The following RCC1L variants were observed in gnomAD, a reference collection of about 807,000 sequenced individuals.
The protein encoded by RCC1L is RCC1-like G exchanging factor-like protein.
A neutral mutation model predicts 58.6 loss-of-function variants in RCC1L; 46 were observed. That is an observed-to-expected ratio of 0.79 (90% confidence interval 0.62 to 1.00). The LOEUF is 1.00. RCC1L is among the 50% of genes least tolerant of loss of function. The probability of loss-of-function intolerance (pLI) is 0.00; values close to 1 mark genes in which losing one functional copy is unlikely to be tolerated. For synonymous variants in RCC1L, 281 were observed against 262.9 expected, an observed-to-expected ratio of 1.07 and a Z score of -0.67; for missense variants, 636 against 623.6, an observed-to-expected ratio of 1.02 and a Z score of -0.21.
intron 10 of RCC1L, among the ~76,000 whole-genome samples, chr7:75,035,927 C>T (rs1348809195): frequency 6.6e-6 from 1 of 151,964 alleles, no homozygotes; most frequent in East Asian, 1.9e-4. Context: ...ATTGCTTGAG[C>T]TCAGGAGTTC....
intron 1 of RCC1L, among the ~76,000 whole-genome samples, chr7:75,072,464 G>A (rs1233392208): frequency 1.3e-5 from 2 of 151,884 alleles, no homozygotes; most frequent in African/African-American, 2.4e-5. Flanking sequence ...TAACTTGACT[G>A]CATGCTTTTC....
chr7:75,042,449 T>C lies in RCC1L; in HGVS notation c.*583A>G. On this transcript the variant is annotated 3_prime_UTR_variant, in exon 11 of 11. Coordinates refer to ENST00000610322, the MANE Select transcript of RCC1L (RefSeq NM_030798.5). ...GTGGTGGGAGGCTGGGGCTGGTGCC[T>C]GCGGACAGCTCCAGATGGAATCCCA... 4 of 987,102 alleles carry C rather than the reference T, an allele frequency of 4.1e-6. No homozygotes were observed. Among genetic ancestry groups the C allele is most frequent in the South Asian group, 4.7e-5 (1 of 21,408 alleles). The allele number at this position is 987,102 out of a possible 1,614,324, so 61.1% of individuals were successfully genotyped here.
rs1472445348 is a variant in RCC1L, at chr7:75,056,003, G to A, written c.1129C>T (p.Pro377Ser). The part of the protein sequence containing the change: ...KGPNLVESAV[P>S]EMIPPTLFGL... Reference sequence around the variant, plus strand: ...AAGAGAGTGGGTGGAATCATTTCAGGGACGGCACTTTCCACTAGGTTTGGA... The same window carrying A: ...AAGAGAGTGGGTGGAATCATTTCAGAGACGGCACTTTCCACTAGGTTTGGA... Residue 377 changes from proline to serine, a missense_variant, in exon 9 of 11, where the codon CCT becomes TCT. Coordinates refer to ENST00000610322, the MANE Select transcript of RCC1L (RefSeq NM_030798.5). The A allele has an allele frequency of 6.2e-7, 1 of 1,613,882 alleles. No homozygotes were observed. The highest frequency in any genetic ancestry group is 1.3e-5 in the African/African-American group (1 of 75,004).
downstream of RCC1L, among the ~76,000 whole-genome samples, chr7:75,037,441 G>T (rs987575522): frequency 6.6e-6 from 1 of 151,648 alleles, no homozygotes; most frequent in Non-Finnish European, 1.5e-5. Context: ...CGTCCGCCTC[G>T]GCCTCCCAAA....
chr7:75,059,187 C>CAAAAAAAAAAAAAAAAAAAAA (rs71278503), intron 6 of RCC1L, among the ~76,000 whole-genome samples: 1 of 77,980 alleles, frequency 1.3e-5, no homozygotes, highest in Non-Finnish European at 2.6e-5. Flanking sequence ...ATGAGACTCT[C>CAAAAAAAAAAAAAAAAAAAAA]AAAAAAAAAA....
chr7:75,043,001 G>A lies in RCC1L; in HGVS notation c.*31C>T, dbSNP rs1488587565. On this transcript the variant is annotated 3_prime_UTR_variant, in exon 11 of 11. Coordinates refer to ENST00000610322, the MANE Select transcript of RCC1L (RefSeq NM_030798.5). ...TGCCAAGGAGTGCCAGTGGTTCCCGGGACGGGGCCGCCCAAGCAGGTGAGG... is the reference window on the plus strand; with the variant it reads ...TGCCAAGGAGTGCCAGTGGTTCCCGAGACGGGGCCGCCCAAGCAGGTGAGG... The A allele has an allele frequency of 4.3e-6, 7 of 1,613,886 alleles. No homozygotes were observed. In the African/African-American group the frequency reaches 8.0e-5, roughly 18 times the overall value.
At chr7:75,049,668 CAAA>C (rs1243232492) in intron 10 of RCC1L, among the ~76,000 whole-genome samples, 2 of 128,692 alleles carry the variant, frequency 1.6e-5, no homozygotes, top group Admixed American at 8.1e-5. Context: ...ACCCTGTTTT[CAAA>C]AAAAAAAAAA....
At position 75,070,757 on chromosome 7, in the gene RCC1L, C is replaced by G; in HGVS notation, c.337G>C (p.Ala113Pro). The G allele has an allele frequency of 6.2e-7, 1 of 1,614,010 alleles. No individual in the cohort carries two copies. Among genetic ancestry groups the G allele is most frequent in the Non-Finnish European group, 8.5e-7 (1 of 1,179,974 alleles). The change falls in exon 2 of 11, where the codon GCT (alanine) becomes CCT (proline). Residue 113 changes from alanine (A) to proline (P), a missense_variant. Transcript: ENST00000610322. The part of the protein sequence containing the change: ...LELDQKISSA[A>P]CGYGFTLLSS... ...AGCAGTGTGAATCCATAGCCGCAAG[C>G]AGCAGATGAAATCTGAAAAGCAGTT...
intron 2 of RCC1L, among the ~76,000 whole-genome samples, 177 bp downstream of exon 2, chr7:75,070,463 C>G (rs1041421659): frequency 1.3e-5 from 2 of 151,902 alleles, no homozygotes; most frequent in Admixed American, 1.3e-4. Context: ...CCCAGCTACT[C>G]GGGAGGCTGA....
chr7:75,056,605 TTTTGGCTG>T, intron 8 of RCC1L: 2 of 1,534,940 alleles, frequency 1.3e-6, no homozygotes, highest in South Asian at 2.4e-5. Context: ...GCCTTTGATT[TTTTGGCTG>T]GAGAAGGCAG....
At position 75,028,074 on chromosome 7, in the gene RCC1L, AG is replaced by A; in HGVS notation, c.1322del (p.Pro441LeufsTer37). The A allele has an allele frequency of 1.3e-6, 2 of 1,531,060 alleles. No individual in the cohort carries two copies. Among genetic ancestry groups the A allele is most frequent in the South Asian group, 2.4e-5 (2 of 83,692 alleles). The allele number at this position is 1,531,060 out of a possible 1,614,324, so 94.8% of individuals were successfully genotyped here. Reference sequence around the variant, plus strand: ...TTGTCTTGGCGCTGGCGGATGGGGCAGGTGCCTGGCGGGGGAGGAAGAGGGC... The same window carrying A: ...TTGTCTTGGCGCTGGCGGATGGGGCAGTGCCTGGCGGGGGAGGAAGAGGGC... On this transcript the variant is annotated frameshift_variant, in exon 11 of 11. Transcript: ENST00000614461. LOFTEE classifies it high-confidence loss of function.
At chr7:75,064,670 A>C (rs1253244880) in intron 3 of RCC1L, 22 bp from the exon 4 acceptor site, 63 of 1,612,912 alleles carry the variant, frequency 3.9e-5, no homozygotes, top group Non-Finnish European at 5.3e-5. Context: ...ACCACCAATC[A>C]AATCAGTTCT....
intron 2 of RCC1L, among the ~76,000 whole-genome samples, chr7:75,069,174 T>C (rs1554445663): frequency 6.6e-6 from 1 of 151,016 alleles, no homozygotes; most frequent in Non-Finnish European, 1.5e-5. Flanking sequence ...GCATTTCCTC[T>C]CTATTTTAGG....
chr7:75,056,792 C>G, intron 8 of RCC1L: 2 of 1,410,280 alleles, frequency 1.4e-6, no homozygotes, highest in African/African-American at 1.4e-5. Context: ...ATGCCATCTT[C>G]TAATCCAATG....
chr7:75,073,178 A>G (rs587702663), intron 1 of RCC1L, among the ~76,000 whole-genome samples: 1 of 152,196 alleles, frequency 6.6e-6, no homozygotes, highest in East Asian at 1.9e-4. Context: ...CTGTCGACTC[A>G]CTGGGTGCTA....
intron 1 of RCC1L, among the ~76,000 whole-genome samples, chr7:75,072,149 C>CATAT (rs1373236031): frequency 2.0e-4 from 7 of 35,896 alleles, no homozygotes; most frequent in Non-Finnish European, 4.0e-4. Context: ...TATACATATA[C>CATAT]ATATACATAT....
chr7:75,053,925 CAG>C (rs1805995718), intron 9 of RCC1L, among the ~76,000 whole-genome samples: 2 of 152,278 alleles, frequency 1.3e-5, no homozygotes, highest in African/African-American at 4.8e-5. Flanking sequence ...GCTTTTGAGA[CAG>C]GGTCTCACTC....
chr7:75,053,213 G>C (rs1584494700), intron 9 of RCC1L, among the ~76,000 whole-genome samples: 2 of 123,894 alleles, frequency 1.6e-5, no homozygotes, highest in African/African-American at 6.3e-5. Context: ...ACAGGGCTGG[G>C]GGTAGTGCAT....
downstream of RCC1L, among the ~76,000 whole-genome samples, chr7:75,038,879 C>G (rs1395686139): frequency 6.6e-6 from 1 of 152,196 alleles, no homozygotes; most frequent in African/African-American, 2.4e-5. Flanking sequence ...GGGGGGAAAC[C>G]CAGTCTCGGG....
Sources: gnomAD v4.1 joint callset for allele counts (sites outside exome capture counted in the v4.1 genomes callset) on GRCh38, gnomAD v4.1.1 for gene constraint, MANE v1.5 for transcripts, NCBI Gene and HGNC (gene_info 2026-07-23, HGNC 2026-07-21) for gene names.